LRP1B: variants seen among roughly 807,000 people sequenced by gnomAD.
LRP1B encodes low-density lipoprotein receptor-related protein 1B.
Under a neutral mutation model 556.6 loss-of-function variants are expected in LRP1B, and 217 were observed. The observed-to-expected ratio is 0.39, with a 90% CI of 0.35 to 0.44. The LOEUF (loss-of-function observed/expected upper bound fraction) is 0.44, where lower values mean the gene tolerates loss of function less well. Among genes scored for constraint, LRP1B ranks in the 20% least tolerant of loss-of-function variants. The pLI, the probability that LRP1B is intolerant of heterozygous loss-of-function variation, is 1.00. For missense variants in LRP1B, 5,053 were observed against 5,620.8 expected, an observed-to-expected ratio of 0.90 and a Z score of 3.23; for synonymous variants, 2,047 against 1,865.8, an observed-to-expected ratio of 1.10 and a Z score of -2.50.
chr2:141,899,320 A>G (rs182695599), intron 1 of LRP1B, among the ~76,000 whole-genome samples: 46 of 152,252 alleles, frequency 3.0e-4, no homozygotes, highest in Non-Finnish European at 1.2e-4. Context: ...TAAAAATTCA[A>G]AAGTGCCCTG....
At chr2:141,719,527 T>A (rs1392214592) in intron 2 of LRP1B, among the ~76,000 whole-genome samples, 1 of 152,106 alleles carries the variant, frequency 6.6e-6, no homozygotes. Context: ...ACAATATTTG[T>A]CAAGCATTTT....
chr2:141,403,246 T>A (rs1249311871), intron 3 of LRP1B, among the ~76,000 whole-genome samples: 3 of 152,142 alleles, frequency 2.0e-5, no homozygotes, highest in African/African-American at 4.8e-5. Context: ...TTAAATGTTT[T>A]AGCAGACTCA....
intron 1 of LRP1B, among the ~76,000 whole-genome samples, chr2:142,115,030 C>T (rs1438494495): frequency 6.6e-6 from 1 of 151,826 alleles, no homozygotes. Context: ...TCTATGAATC[C>T]ATAAAAATTA....
intron 67 of LRP1B, among the ~76,000 whole-genome samples, chr2:140,383,372 A>G (rs1054976921): frequency 2.0e-5 from 3 of 151,864 alleles, no homozygotes; most frequent in Non-Finnish European, 4.4e-5. Flanking sequence ...GATAGATTTT[A>G]GTACAGCAAT....
intron 3 of LRP1B, among the ~76,000 whole-genome samples, chr2:141,443,007 G>A (rs1458988526): frequency 1.3e-5 from 2 of 152,096 alleles, no homozygotes; most frequent in Non-Finnish European, 2.9e-5. Flanking sequence ...TTGACACGCT[G>A]TCTCTTCCAC....
chr2:140,636,453 T>C (rs1369067796), intron 41 of LRP1B, among the ~76,000 whole-genome samples: 1 of 152,128 alleles, frequency 6.6e-6, no homozygotes, highest in Admixed American at 6.6e-5. Context: ...ACATTGTTCC[T>C]TTTTAGATAG....
At chr2:142,081,984 G>A (rs986921655) in intron 1 of LRP1B, among the ~76,000 whole-genome samples, 2 of 152,180 alleles carry the variant, frequency 1.3e-5, no homozygotes, top group African/African-American at 4.8e-5. Context: ...CTAGATTTCA[G>A]ACTTAAGCAG....
rs974028305 is a variant in LRP1B at position 141,130,028 on chromosome 2, C to T, written c.1013+58393G>A. ...CAAATGGATACAGAATTTAACCATA[C>T]AAAAAAGCCATTAAAGTACTTCAAA... On this transcript the variant is annotated intron_variant, in intron 7 of 90. Transcript: ENST00000389484. 2.0e-5 allele frequency among the ~76,000 whole-genome samples: 3 copies of T among 151,698 alleles called. No individual in the cohort carries two copies. The East Asian group carries it at 5.8e-4, about 29-fold the overall frequency.
At chr2:141,390,626 C>A (rs1213289336) in intron 3 of LRP1B, among the ~76,000 whole-genome samples, 1 of 152,180 alleles carries the variant, frequency 6.6e-6, no homozygotes, top group African/African-American at 2.4e-5. Context: ...CTGATACATT[C>A]TACAACATGG....
At position 141,380,969 on chromosome 2, in the gene LRP1B, G is replaced by A. The variant is rs546647109; in HGVS notation, c.343+99427C>T. Among the ~76,000 whole-genome samples the A allele has an allele frequency of 3.3e-5, 5 of 152,202 alleles. 1 individual carries two copies. Among genetic ancestry groups the A allele is most frequent in the African/African-American group, 1.2e-4 (5 of 41,538 alleles). On this transcript the variant is annotated intron_variant, in intron 3 of 90. Transcript: ENST00000389484. ...ATAAACCAATATGTGAAGACCGGGC[G>A]AGGTGATTTTTAAAATATAATGTGT...
intron 2 of LRP1B, among the ~76,000 whole-genome samples, chr2:141,737,390 T>C (rs961579078): frequency 1.3e-5 from 2 of 152,108 alleles, no homozygotes; most frequent in Non-Finnish European, 2.9e-5. Flanking sequence ...GGAAGTTGCC[T>C]ACAGCCCAGT....
intron 20 of LRP1B, among the ~76,000 whole-genome samples, chr2:140,932,276 T>C (rs1559202179): frequency 2.6e-5 from 4 of 152,140 alleles, no homozygotes; most frequent in Admixed American, 2.6e-4. Context: ...TTACAGATCT[T>C]TATAATATGT....
At chr2:141,326,211 G>A (rs1342982683) in intron 3 of LRP1B, among the ~76,000 whole-genome samples, 1 of 152,064 alleles carries the variant, frequency 6.6e-6, no homozygotes, top group Non-Finnish European at 1.5e-5. Context: ...AGAATGGATA[G>A]TATGATACAG....
At chr2:140,494,724 T>C (rs1273362845) in intron 56 of LRP1B, among the ~76,000 whole-genome samples, 2 of 151,770 alleles carry the variant, frequency 1.3e-5, no homozygotes, top group East Asian at 1.9e-4. Flanking sequence ...TTCTTCATAA[T>C]GTGTAAAGTT....
intron 42 of LRP1B, 29 bp downstream of exon 42, chr2:140,601,421 T>C (rs766469849): frequency 6.7e-7 from 1 of 1,497,604 alleles, no homozygotes; most frequent in Admixed American, 1.8e-5. Context: ...ATAACTATAA[T>C]GAAGAAATAA....
intron 5 of LRP1B, among the ~76,000 whole-genome samples, chr2:141,245,503 G>T (rs1367803579): frequency 2.0e-5 from 3 of 152,078 alleles, no homozygotes; most frequent in African/African-American, 7.2e-5. Flanking sequence ...GAGGGTGAGG[G>T]CACCCATTAA....
At chr2:141,055,554 T>A (rs1156859444) in intron 9 of LRP1B, among the ~76,000 whole-genome samples, 1 of 151,968 alleles carries the variant, frequency 6.6e-6, no homozygotes, top group Non-Finnish European at 1.5e-5. Flanking sequence ...AACATAACTT[T>A]TTTTTGTACT....
chr2:140,971,317 T>C (rs1315123546), intron 18 of LRP1B, among the ~76,000 whole-genome samples: 1 of 152,090 alleles, frequency 6.6e-6, no homozygotes, highest in Non-Finnish European at 1.5e-5. Flanking sequence ...GAAACGCCGA[T>C]AGCCACCAGA....
chr2:142,102,586 T>A (rs1359599636), intron 1 of LRP1B, among the ~76,000 whole-genome samples: 1 of 151,666 alleles, frequency 6.6e-6, no homozygotes, highest in East Asian at 1.9e-4. Flanking sequence ...ATTCTTAAAA[T>A]TACTTAAAGA....
Sources: allele counts gnomAD v4.1 joint callset (sites outside exome capture counted in the v4.1 genomes callset), GRCh38; gene constraint gnomAD v4.1.1; transcripts MANE v1.5; gene names NCBI Gene and HGNC (gene_info 2026-07-23, HGNC 2026-07-21).